ACACA: variants seen among roughly 807,000 people sequenced by gnomAD.
ACACA encodes acetyl-CoA carboxylase 1.
Under a neutral mutation model 296.1 loss-of-function variants are expected in ACACA, and 103 were observed. That is an observed-to-expected ratio of 0.35 (90% CI 0.30 to 0.41). ACACA has a LOEUF of 0.41. ACACA is among the 10% of genes least tolerant of loss of function. The pLI is 1.00. For synonymous variants in ACACA, 953 were observed against 1,038.6 expected (o/e 0.92, Z 1.58); for missense variants, 1,554 against 2,989.7 (o/e 0.52, Z 11.20).
At chr17:37,290,500 T>C (rs541717807) in intron 3 of ACACA, among the ~76,000 whole-genome samples, 1 of 152,338 alleles carries the variant, frequency 6.6e-6, no homozygotes, top group Admixed American at 6.5e-5. Context: ...TGCTATGATG[T>C]TTGAGCACCA....
At chr17:37,235,702 T>A (rs2590728) in intron 24 of ACACA, among the ~76,000 whole-genome samples, 18,949 of 152,082 alleles carry the variant, frequency 0.12, 1,785 homozygotes, top group East Asian at 0.44. Flanking sequence ...GAATCAACAT[T>A]TTCTTCTGTT....
At chr17:37,292,552 A>G (rs925761689) in intron 3 of ACACA, among the ~76,000 whole-genome samples, 1 of 152,188 alleles carries the variant, frequency 6.6e-6, no homozygotes, top group African/African-American at 2.4e-5. Context: ...AGAGAATAAA[A>G]AAGGATAAAG....
intron 31 of ACACA, 117 bp downstream of exon 31, chr17:37,207,540 T>C: frequency 7.8e-7 from 1 of 1,279,196 alleles, no homozygotes; most frequent in Non-Finnish European, 1.1e-6. Flanking sequence ...GGGTTACATC[T>C]TTTTAGCTGG....
intron 24 of ACACA, among the ~76,000 whole-genome samples, chr17:37,236,655 T>C (rs896339640): frequency 6.6e-6 from 1 of 152,052 alleles, no homozygotes; most frequent in African/African-American, 2.4e-5. Flanking sequence ...TGAAACCCCA[T>C]CTCTACTAAA....
chr17:37,329,827 G>A (rs2047789874), intron 3 of ACACA, among the ~76,000 whole-genome samples: 1 of 151,918 alleles, frequency 6.6e-6, no homozygotes, highest in African/African-American at 2.4e-5. Context: ...TGTAATCCCA[G>A]CTACTTGGGA....
chr17:37,274,138 T>C (rs2082177162), intron 9 of ACACA, 55 bp downstream of exon 9: 2 of 1,459,802 alleles, frequency 1.4e-6, no homozygotes, highest in Non-Finnish European at 1.9e-6. Context: ...ATCTCCACAT[T>C]TGTGACTATA....
At chr17:37,387,202 C>T (rs566939828) in intron 1 of ACACA, 9 of 152,366 alleles carry the variant, frequency 5.9e-5, no homozygotes, top group Non-Finnish European at 1.2e-4. Context: ...TCACCACAAC[C>T]TCCCCCTCCT....
intron 3 of ACACA, among the ~76,000 whole-genome samples, chr17:37,322,911 C>T (rs968737847): frequency 6.6e-6 from 1 of 152,244 alleles, no homozygotes; most frequent in Non-Finnish European, 1.5e-5. Flanking sequence ...CTCAATAAAA[C>T]CTTGCACTCA....
At chr17:37,406,188 T>C in intron 1 of ACACA, 74 bp downstream of exon 1, 1 of 1,535,734 alleles carries the variant, frequency 6.5e-7, no homozygotes, top group Non-Finnish European at 9.0e-7. Flanking sequence ...ATGTCTGGCA[T>C]GCAATAAGTA....
At chr17:37,383,828 G>A (rs1280663207) in intron 1 of ACACA, among the ~76,000 whole-genome samples, 3 of 152,148 alleles carry the variant, frequency 2.0e-5, no homozygotes, top group Admixed American at 2.0e-4. Flanking sequence ...TGCGATTATA[G>A]GCGTGAGCCA....
At chr17:37,271,614 G>C (rs1050327726) in intron 9 of ACACA, among the ~76,000 whole-genome samples, 7 of 151,814 alleles carry the variant, frequency 4.6e-5, no homozygotes, top group Admixed American at 1.3e-4. Flanking sequence ...CTTGCTTATA[G>C]TATGCAGGCA....
chr17:37,289,473 C>A, intron 3 of ACACA: 1 of 1,352,096 alleles, frequency 7.4e-7, no homozygotes, highest in Non-Finnish European at 9.8e-7. Context: ...CATCTGTCCT[C>A]ATTATCTTCA....
chr17:37,301,651 A>G lies in ACACA; in HGVS notation c.339-16681T>C, dbSNP rs2083622620. Among the ~76,000 whole-genome samples the G allele has an allele frequency of 3.9e-5, 6 of 152,334 alleles. No homozygotes were observed. In the South Asian group the frequency reaches 1.0e-3, roughly 26 times the overall value. The stretch of plus-strand genomic sequence containing the variant: ...GTTTCTTTGTGGACTCTAAATTCTG[A>G]TCCATTGACCTATATGCCTAGCCTT... On this transcript the variant is annotated intron_variant, in intron 3 of 55. Coordinates refer to ENST00000616317, the MANE Select transcript of ACACA (RefSeq NM_198834.3).
chr17:37,207,571 CT>C (rs1598176629), intron 31 of ACACA, 85 bp downstream of exon 31: 2 of 1,531,678 alleles, frequency 1.3e-6, no homozygotes, highest in African/African-American at 1.4e-5. Flanking sequence ...TTCGGGAGAC[CT>C]TTATTCATTT....
intron 3 of ACACA, among the ~76,000 whole-genome samples, chr17:37,311,126 A>G (rs1413253994): frequency 6.6e-6 from 1 of 152,228 alleles, no homozygotes; most frequent in Non-Finnish European, 1.5e-5. Flanking sequence ...TTTCAATAGC[A>G]TAGTTGGGCA....
At position 37,112,049 on chromosome 17, in the gene ACACA, ACTATCTATCTAT is replaced by A. The variant is rs10531552; in HGVS notation, c.6453-418_6453-407del. Among the ~76,000 whole-genome samples, 274 of 149,456 alleles carry A rather than the reference ACTATCTATCTAT, an allele frequency of 1.8e-3. 1 individual carries two copies. The highest frequency in any genetic ancestry group is 3.8e-3 in the African/African-American group (153 of 40,224). ...TAATGAAGGGCAATACTTCATCAAT[ACTATCTATCTAT>A]CTATCTATCTATCTATCTATCTACC... is the stretch of plus-strand genomic sequence containing the variant. On this transcript the variant is annotated intron_variant, in intron 51 of 55. Coordinates refer to ENST00000616317, the MANE Select transcript of ACACA (RefSeq NM_198834.3).
At chr17:37,286,363 G>A (rs1185370398) in intron 3 of ACACA, among the ~76,000 whole-genome samples, 1 of 152,108 alleles carries the variant, frequency 6.6e-6, no homozygotes, top group East Asian at 1.9e-4. Flanking sequence ...CAGCTTCAGT[G>A]TTCTCTTTGT....
At chr17:37,218,876 G>T (rs1372803642) in intron 29 of ACACA, among the ~76,000 whole-genome samples, 1 of 152,222 alleles carries the variant, frequency 6.6e-6, no homozygotes, top group East Asian at 1.9e-4. Flanking sequence ...AAAGAGCTTA[G>T]ATTTCTGTTT....
At chr17:37,131,836 G>C (rs943907579) in intron 45 of ACACA, among the ~76,000 whole-genome samples, 5 of 152,240 alleles carry the variant, frequency 3.3e-5, no homozygotes, top group African/African-American at 1.2e-4. Flanking sequence ...TGTTTTCCTT[G>C]ATAAGGAAGC....
Sources: gnomAD v4.1 joint callset for allele counts (sites outside exome capture counted in the v4.1 genomes callset) on GRCh38, gnomAD v4.1.1 for gene constraint, MANE v1.5 for transcripts, NCBI Gene and HGNC (gene_info 2026-07-23, HGNC 2026-07-21) for gene names.